Variants in DCBLD2 observed in about 807,000 individuals in gnomAD.
DCBLD2 encodes discoidin, CUB and LCCL domain-containing protein 2.
DCBLD2 carries 54 observed loss-of-function variants against 86.8 expected under a neutral mutation model. That is an observed-to-expected ratio of 0.62 (90% CI 0.50 to 0.78). The LOEUF (loss-of-function observed/expected upper bound fraction) is 0.78. Ranked by LOEUF, DCBLD2 falls within the 30% of genes least tolerant of loss-of-function variation. DCBLD2 has a pLI of 0.00. For synonymous variants in DCBLD2, 354 were observed against 341.3 expected (o/e 1.04, Z -0.41); for missense variants, 908 against 954.2 (o/e 0.95, Z 0.64).
rs1942887598 is a variant in DCBLD2, at chr3:98,853,995, C to CT, written c.434-4398dup. Among the ~76,000 whole-genome samples, 2 of 145,516 alleles carry CT rather than the reference C, an allele frequency of 1.4e-5. 1 individual carries two copies. The highest frequency in any genetic ancestry group is 4.5e-4 in the South Asian group (2 of 4,488). ...TTATTTACGAACAGGTTTTTTTTTT[C>CT]TTTTTTTAACTAGTATAGAGCATCT... is the stretch of plus-strand genomic sequence containing the variant. On this transcript the variant is annotated intron_variant, in intron 2 of 15. Coordinates refer to ENST00000326840, the MANE Select transcript of DCBLD2 (RefSeq NM_080927.4).
At chr3:98,864,124 C>A (rs1943097177) in intron 2 of DCBLD2, among the ~76,000 whole-genome samples, 1 of 152,152 alleles carries the variant, frequency 6.6e-6, no homozygotes, top group East Asian at 1.9e-4. Context: ...CACTGGCCAT[C>A]AGAGAAATGC....
intron 1 of DCBLD2, among the ~76,000 whole-genome samples, chr3:98,882,510 T>C (rs1943489117): frequency 6.6e-6 from 1 of 152,250 alleles, no homozygotes; most frequent in African/African-American, 2.4e-5. Context: ...CCATGTTGGT[T>C]TGCTGTGCCC....
intron 7 of DCBLD2, among the ~76,000 whole-genome samples, chr3:98,819,918 TTACTC>T (rs372764548): frequency 4.6e-5 from 7 of 152,344 alleles, no homozygotes; most frequent in African/African-American, 7.2e-5. Context: ...TTTGTTCACT[TTACTC>T]TATCACTCGA....
intron 1 of DCBLD2, among the ~76,000 whole-genome samples, chr3:98,894,745 A>G (rs1426080057): frequency 6.6e-6 from 1 of 152,172 alleles, no homozygotes; most frequent in Non-Finnish European, 1.5e-5. Context: ...CATGAAGTGC[A>G]TGCCGGTGCC....
chr3:98,836,952 G>T (rs1475258425), intron 3 of DCBLD2, among the ~76,000 whole-genome samples: 78 of 76,662 alleles, frequency 1.0e-3, no homozygotes, highest in Admixed American at 1.8e-3. Flanking sequence ...CGGACGGGGC[G>T]GCTGGCCGGG....
At chr3:98,815,549 G>A (rs1446015625) in intron 9 of DCBLD2, 1 of 151,924 alleles carries the variant, frequency 6.6e-6, no homozygotes, top group African/African-American at 2.4e-5. Flanking sequence ...AAAAAATTCG[G>A]GCAGGTAAAA....
intron 2 of DCBLD2, among the ~76,000 whole-genome samples, chr3:98,879,945 GCTCAGGTGGTA>G (rs1943437504): frequency 6.6e-6 from 1 of 152,212 alleles, no homozygotes; most frequent in African/African-American, 2.4e-5. Context: ...CTTAAAGAAT[GCTCAGGTGGTA>G]CTGTCTGCTC....
At chr3:98,860,664 A>C (rs1943024533) in intron 2 of DCBLD2, among the ~76,000 whole-genome samples, 1 of 152,182 alleles carries the variant, frequency 6.6e-6, no homozygotes, top group Non-Finnish European at 1.5e-5. Context: ...CTTTACAGAC[A>C]AGCAAACGCT....
At chr3:98,849,324 A>G (rs1048469856) in intron 3 of DCBLD2, 137 bp downstream of exon 3, 3 of 1,102,832 alleles carry the variant, frequency 2.7e-6, no homozygotes, top group Non-Finnish European at 4.0e-6. Context: ...TTATTTGTCA[A>G]ATTTATATAT....
chr3:98,813,418 G>C (rs914903034), intron 9 of DCBLD2: 4 of 152,252 alleles, frequency 2.6e-5, no homozygotes, highest in Non-Finnish European at 4.4e-5. Context: ...CAACACGCCC[G>C]GCTAATTTTT....
At chr3:98,863,112 C>T (rs974690074) in intron 2 of DCBLD2, among the ~76,000 whole-genome samples, 3 of 152,024 alleles carry the variant, frequency 2.0e-5, no homozygotes, top group African/African-American at 7.3e-5. Flanking sequence ...GAGTGAACTC[C>T]CATTCACAAC....
intron 2 of DCBLD2, among the ~76,000 whole-genome samples, chr3:98,850,442 C>T (rs1230574124): frequency 6.6e-6 from 1 of 152,118 alleles, no homozygotes; most frequent in Non-Finnish European, 1.5e-5. Flanking sequence ...GGCCTGCAGG[C>T]CACAGGTTGG....
chr3:98,844,774 A>C (rs968566921), intron 3 of DCBLD2, among the ~76,000 whole-genome samples: 8 of 152,182 alleles, frequency 5.3e-5, no homozygotes, highest in Middle Eastern at 3.2e-3. Flanking sequence ...GTTTCTATAG[A>C]GCTTCTAAAC....
chr3:98,796,027 G>T lies in DCBLD2; in HGVS notation c.*3345C>A, dbSNP rs1425755144. On this transcript the variant is annotated 3_prime_UTR_variant, in exon 16 of 16. Transcript: ENST00000326840. ...TTGTTTTATTTAAACCAAATAATCTGAGCAAGACATATATACATTAAAAAC... is the reference window on the plus strand; with the variant it reads ...TTGTTTTATTTAAACCAAATAATCTTAGCAAGACATATATACATTAAAAAC... 2 of 152,466 alleles carry T rather than the reference G, an allele frequency of 1.3e-5. No homozygotes were observed. The highest frequency in any genetic ancestry group is 2.9e-5 in the Non-Finnish European group (2 of 68,014). The allele number at this position is 152,466 out of a possible 1,614,324, so 9.4% of individuals were successfully genotyped here.
intron 2 of DCBLD2, among the ~76,000 whole-genome samples, chr3:98,860,041 A>G (rs1022190311): frequency 6.6e-6 from 1 of 152,242 alleles, no homozygotes; most frequent in Non-Finnish European, 1.5e-5. Flanking sequence ...GACCTGATAG[A>G]GCTGAAAACC....
intron 13 of DCBLD2, among the ~76,000 whole-genome samples, chr3:98,804,414 G>C (rs2107423675): frequency 6.6e-6 from 1 of 151,866 alleles, no homozygotes; most frequent in South Asian, 2.1e-4. Flanking sequence ...ATTTTTTATT[G>C]CATCTATTTG....
In DCBLD2 at chr3:98,866,978, T is replaced by G. The variant is rs550756630; in HGVS notation, c.433+14562A>C. ...TTAAATAGGGAATCCTTTCCCCATT[T>G]CTTGTTTTTGTCAGGTTTGTCAAAG... is the stretch of plus-strand genomic sequence containing the variant. On this transcript the variant is annotated intron_variant, in intron 2 of 15. Coordinates refer to ENST00000326840, the MANE Select transcript of DCBLD2 (RefSeq NM_080927.4). Among the ~76,000 whole-genome samples, 495 of 152,288 alleles carry G rather than the reference T, an allele frequency of 3.3e-3. 1 individual carries two copies. Among genetic ancestry groups the G allele is most frequent in the African/African-American group, 0.011 (473 of 41,558 alleles).
chr3:98,833,504 C>T (rs1231959714), intron 3 of DCBLD2, among the ~76,000 whole-genome samples: 3 of 152,172 alleles, frequency 2.0e-5, no homozygotes, highest in African/African-American at 7.2e-5. Flanking sequence ...GGACATAAGA[C>T]ACTCTGGCCA....
chr3:98,829,292 TTTTAAC>T (rs544737244), intron 3 of DCBLD2, among the ~76,000 whole-genome samples: 4 of 152,270 alleles, frequency 2.6e-5, no homozygotes, highest in South Asian at 4.2e-4. Flanking sequence ...GTAGTTTTCC[TTTTAAC>T]TTTATTTTAG....
Sources: gnomAD v4.1 joint callset for allele counts (sites outside exome capture counted in the v4.1 genomes callset) on GRCh38, gnomAD v4.1.1 for gene constraint, MANE v1.5 for transcripts, NCBI Gene and HGNC (gene_info 2026-07-23, HGNC 2026-07-21) for gene names.